Variants in RANBP2 observed in about 807,000 individuals in gnomAD.
RANBP2 encodes E3 SUMO-protein ligase RanBP2.
Under a neutral mutation model 303.6 loss-of-function variants are expected in RANBP2, and 57 were observed. That is an observed-to-expected ratio of 0.19 (90% CI 0.15 to 0.23). RANBP2 has a LOEUF of 0.23. Among genes scored for constraint, RANBP2 ranks in the 10% least tolerant of loss-of-function variants. RANBP2 has a pLI of 1.00. For missense variants in RANBP2, 3,138 were observed against 3,780.8 expected, an observed-to-expected ratio of 0.83 and a Z score of 4.46; for synonymous variants, 1,167 against 1,301.5, an observed-to-expected ratio of 0.90 and a Z score of 2.23.
At chr2:109,439,962 G>T in the RANBP2 span, among the ~76,000 whole-genome samples, 1 of 152,294 alleles carries the variant, frequency 6.6e-6, no homozygotes, top group East Asian at 1.9e-4. Flanking sequence ...GGGATTGGGA[G>T]TAGGGCATAT....
At chr2:109,176,274 A>G in the RANBP2 span, among the ~76,000 whole-genome samples, 1 of 152,240 alleles carries the variant, frequency 6.6e-6, no homozygotes, top group Non-Finnish European at 1.5e-5. Flanking sequence ...AGAAAAGGGT[A>G]CAGAGGAGGA....
the RANBP2 span, among the ~76,000 whole-genome samples, chr2:109,709,306 CAAAAATAAAATAAAATAAAA>C: frequency 0.012 from 512 of 42,412 alleles, 5 homozygotes; most frequent in African/African-American, 0.024. Flanking sequence ...AACTGTGTCT[CAAAAATAAAATAAAATAAAA>C]TAAAATAAAA....
the RANBP2 span, among the ~76,000 whole-genome samples, chr2:109,162,249 G>A: frequency 1.3e-5 from 2 of 152,178 alleles, no homozygotes; most frequent in Admixed American, 1.3e-4. Flanking sequence ...GAAGACAAGT[G>A]GTGGTGGAGC....
At chr2:109,465,355 G>A in the RANBP2 span, among the ~76,000 whole-genome samples, 1 of 152,202 alleles carries the variant, frequency 6.6e-6, no homozygotes, top group African/African-American at 2.4e-5. Flanking sequence ...GTATGTAAGA[G>A]TATGTGCTGA....
At chr2:109,050,211 T>A in the RANBP2 span, among the ~76,000 whole-genome samples, 1 of 152,218 alleles carries the variant, frequency 6.6e-6, no homozygotes, top group African/African-American at 2.4e-5. Context: ...TTGGATATAA[T>A]GGCCTAAATA....
At chr2:109,129,075 C>T in the RANBP2 span, 2 of 379,508 alleles carry the variant, frequency 5.3e-6, no homozygotes, top group Non-Finnish European at 1.0e-5. Context: ...GGAGGTGCCG[C>T]GGGGGCGGTG....
chr2:108,785,882 T>C (rs1678596134), downstream of RANBP2: 1 of 152,202 alleles, frequency 6.6e-6, no homozygotes, highest in Non-Finnish European at 1.5e-5. Context: ...GAAGTACAGA[T>C]TTTATAAAAC....
chr2:109,130,536 T>C, the RANBP2 span, among the ~76,000 whole-genome samples: 1 of 152,112 alleles, frequency 6.6e-6, no homozygotes, highest in Non-Finnish European at 1.5e-5. Context: ...TGATGGCTGC[T>C]CTGGGAAGCC....
At chr2:109,165,888 C>T in the RANBP2 span, among the ~76,000 whole-genome samples, 1 of 152,234 alleles carries the variant, frequency 6.6e-6, no homozygotes, top group African/African-American at 2.4e-5. Flanking sequence ...GATGCCTGTG[C>T]AAGAAGACCA....
chr2:109,425,800 G>A, the RANBP2 span, among the ~76,000 whole-genome samples: 3 of 152,320 alleles, frequency 2.0e-5, no homozygotes, highest in Non-Finnish European at 4.4e-5. Flanking sequence ...TTGTTTTCAT[G>A]CCTGCTGACA....
the RANBP2 span, among the ~76,000 whole-genome samples, chr2:109,420,119 A>T: frequency 6.6e-6 from 1 of 152,262 alleles, no homozygotes; most frequent in Non-Finnish European, 1.5e-5. Flanking sequence ...ATCCCCAAAT[A>T]TAACCAGATG....
At chr2:109,580,763 T>G in the RANBP2 span, among the ~76,000 whole-genome samples, 1 of 152,208 alleles carries the variant, frequency 6.6e-6, no homozygotes, top group Non-Finnish European at 1.5e-5. Context: ...ACAGGCAGTA[T>G]AAAACTGTGA....
At chr2:109,150,959 G>A in the RANBP2 span, among the ~76,000 whole-genome samples, 2 of 152,232 alleles carry the variant, frequency 1.3e-5, no homozygotes, top group Non-Finnish European at 2.9e-5. Flanking sequence ...GGTGCTGATG[G>A]GGGAAGTCAG....
chr2:109,233,855 T>G, the RANBP2 span, among the ~76,000 whole-genome samples: 1 of 152,260 alleles, frequency 6.6e-6, no homozygotes, highest in Non-Finnish European at 1.5e-5. Flanking sequence ...CATTTGCGAT[T>G]GGTCTGCATT....
the RANBP2 span, among the ~76,000 whole-genome samples, chr2:109,509,193 G>A: frequency 6.6e-6 from 1 of 152,136 alleles, no homozygotes; most frequent in Non-Finnish European, 1.5e-5. Context: ...GATGAATCCA[G>A]GCAAGAGGAC....
At chr2:108,862,077 G>GTT in the RANBP2 span, among the ~76,000 whole-genome samples, 377 of 141,264 alleles carry the variant, frequency 2.7e-3, 1 homozygote, top group Non-Finnish European at 3.7e-3. Flanking sequence ...TATGATTTCA[G>GTT]TTTTTTTTTT....
At chr2:109,648,504 C>T in the RANBP2 span, among the ~76,000 whole-genome samples, 316 of 151,970 alleles carry the variant, frequency 2.1e-3, no homozygotes, top group African/African-American at 7.0e-3. Flanking sequence ...TCATGATGCC[C>T]GGCTAATTTT....
Position 108,782,807 on chromosome 2 carries a change from G to A in RANBP2, c.9314G>A (p.Gly3105Asp). The change falls in exon 28 of 29, where the codon GGC becomes GAC. Residue 3105 changes from glycine (G) to aspartate (D), a missense_variant. Gly to Asp is a moderately conservative substitution (Grantham distance 94). Coordinates refer to ENST00000283195, the MANE Select transcript of RANBP2 (RefSeq NM_006267.5). ...AGAGCACTATGCACTGGAGAGAAAG[G>A]CTTTGGTTTCAAGAATTCCATTTTT... ...NFRALCTGEK[G>D]FGFKNSIFHR... 6.2e-7 allele frequency: 1 copy of A among 1,614,130 alleles called. No individual in the cohort carries two copies. The highest frequency in any genetic ancestry group is 8.5e-7 in the Non-Finnish European group (1 of 1,180,026).
intron 7 of RANBP2, among the ~76,000 whole-genome samples, chr2:108,743,138 C>G (rs557602219): frequency 6.6e-6 from 1 of 152,276 alleles, no homozygotes; most frequent in Admixed American, 6.5e-5. Context: ...GTCTGTGTGT[C>G]TATTAGAGTC....
Sources: gnomAD v4.1 joint callset for allele counts (sites outside exome capture counted in the v4.1 genomes callset) on GRCh38, gnomAD v4.1.1 for gene constraint, MANE v1.5 for transcripts, NCBI Gene and HGNC (gene_info 2026-07-23, HGNC 2026-07-21) for gene names.